Variants in FBXL17 observed in about 807,000 individuals in gnomAD.
FBXL17 encodes the protein F-box/LRR-repeat protein 17.
A neutral mutation model predicts 66.2 loss-of-function variants in FBXL17; 22 were observed. The observed-to-expected ratio is 0.33, with a 90% CI of 0.24 to 0.47. The LOEUF (loss-of-function observed/expected upper bound fraction) is 0.47. Among genes scored for constraint, FBXL17 ranks in the 20% least tolerant of loss-of-function variants. The pLI, the probability that FBXL17 is intolerant of heterozygous loss-of-function variation, is 1.00. For missense variants in FBXL17, 878 were observed against 948.2 expected, an observed-to-expected ratio of 0.93 and a Z score of 0.97; for synonymous variants, 474 against 400.5, an observed-to-expected ratio of 1.18 and a Z score of -2.19.
At chr5:108,329,852 G>C (rs17161245) in intron 4 of FBXL17, among the ~76,000 whole-genome samples, 4 of 151,914 alleles carry the variant, frequency 2.6e-5, no homozygotes, top group African/African-American at 9.7e-5. Context: ...GTCCAGGCTC[G>C]GGAACAGTGG....
At chr5:108,185,488 T>C (rs936713880) in intron 6 of FBXL17, among the ~76,000 whole-genome samples, 1 of 152,204 alleles carries the variant, frequency 6.6e-6, no homozygotes, top group Admixed American at 6.5e-5. Context: ...ATACTTCCTG[T>C]ACAGCCTGCA....
intron 1 of FBXL17, among the ~76,000 whole-genome samples, chr5:108,378,689 G>C (rs1048335544): frequency 1.3e-5 from 2 of 152,082 alleles, no homozygotes; most frequent in African/African-American, 4.8e-5. Context: ...TCGTGGTGTG[G>C]CGTATTCACC....
At chr5:107,995,456 C>T (rs535637842) in intron 7 of FBXL17, among the ~76,000 whole-genome samples, 1 of 151,972 alleles carries the variant, frequency 6.6e-6, no homozygotes, top group Admixed American at 6.6e-5. Context: ...ACCAAAAGAA[C>T]CAAAAAGCCA....
chr5:108,116,849 A>C (rs1750277889), intron 6 of FBXL17, among the ~76,000 whole-genome samples: 1 of 152,052 alleles, frequency 6.6e-6, no homozygotes, highest in African/African-American at 2.4e-5. Context: ...TTGTATCCTC[A>C]GCTTTGGCAG....
intron 8 of FBXL17, among the ~76,000 whole-genome samples, chr5:107,873,108 C>A (rs74854651): frequency 6.6e-6 from 1 of 152,188 alleles, no homozygotes; most frequent in African/African-American, 2.4e-5. Flanking sequence ...GAAAACTGTT[C>A]CTGGACAATC....
chr5:107,897,494 A>G (rs1477479616), intron 7 of FBXL17, among the ~76,000 whole-genome samples: 2 of 152,172 alleles, frequency 1.3e-5, no homozygotes, highest in Admixed American at 6.6e-5. Flanking sequence ...TTGTCCCTGA[A>G]GTCGAGAAGC....
intron 7 of FBXL17, among the ~76,000 whole-genome samples, chr5:107,886,841 C>T (rs1324088668): frequency 6.6e-6 from 1 of 150,682 alleles, no homozygotes; most frequent in African/African-American, 2.5e-5. Context: ...GAAAACATCA[C>T]ACAAATCCAA....
chr5:108,207,336 T>C (rs1754164771), intron 5 of FBXL17, among the ~76,000 whole-genome samples: 1 of 152,172 alleles, frequency 6.6e-6, no homozygotes, highest in Non-Finnish European at 1.5e-5. Context: ...CAAGTGTTTT[T>C]TTTTTATTAT....
rs891396932 is a variant in FBXL17 at position 108,298,168 on chromosome 5, C to A, written c.1506+50231G>T. 18 of 975,678 alleles carry A rather than the reference C, an allele frequency of 1.8e-5. No homozygotes were observed. The Admixed American group carries it at 8.7e-4, about 47-fold the overall frequency. The allele number at this position is 975,678 out of a possible 1,614,324, so 60.4% of individuals were successfully genotyped here. On this transcript the variant is annotated intron_variant, in intron 4 of 8. Transcript: ENST00000542267. ...TTAGGGAGCAAGAAACATAAAGTACCCTAGAAATTCTAGAAAGTACAGCTC... is the reference window on the plus strand; with the variant it reads ...TTAGGGAGCAAGAAACATAAAGTACACTAGAAATTCTAGAAAGTACAGCTC...
At chr5:108,024,090 G>T (rs767686172) in intron 6 of FBXL17, among the ~76,000 whole-genome samples, 1 of 151,984 alleles carries the variant, frequency 6.6e-6, no homozygotes, top group Non-Finnish European at 1.5e-5. Flanking sequence ...ACTCCTATAG[G>T]CAAAGCTCAG....
chr5:107,966,854 A>G (rs1752162106), intron 7 of FBXL17, among the ~76,000 whole-genome samples: 1 of 152,110 alleles, frequency 6.6e-6, no homozygotes, highest in Non-Finnish European at 1.5e-5. Flanking sequence ...GTTGTGTTTT[A>G]GGAGTACGGT....
intron 4 of FBXL17, among the ~76,000 whole-genome samples, chr5:108,340,660 C>G (rs1746818479): frequency 6.6e-6 from 1 of 152,138 alleles, no homozygotes; most frequent in South Asian, 2.1e-4. Context: ...AATTTACTTA[C>G]TTTAAAAGTG....
At chr5:108,373,878 A>C (rs557224418) in intron 1 of FBXL17, among the ~76,000 whole-genome samples, 1 of 152,170 alleles carries the variant, frequency 6.6e-6, no homozygotes, top group Admixed American at 6.5e-5. Context: ...TGATCGTGCC[A>C]CTGCATTCCA....
chr5:108,256,675 TC>T (rs2150120436), intron 4 of FBXL17, among the ~76,000 whole-genome samples: 1 of 152,200 alleles, frequency 6.6e-6, no homozygotes, highest in South Asian at 2.1e-4. Flanking sequence ...ACACAATCTT[TC>T]CTATGTAGTT....
intron 6 of FBXL17, among the ~76,000 whole-genome samples, chr5:108,023,380 T>C (rs1754670797): frequency 1.3e-5 from 2 of 152,154 alleles, no homozygotes; most frequent in Non-Finnish European, 2.9e-5. Flanking sequence ...AATTGAGTGG[T>C]TGAAATAGGT....
At chr5:107,929,176 G>A (rs1561325351) in intron 7 of FBXL17, among the ~76,000 whole-genome samples, 1 of 152,100 alleles carries the variant, frequency 6.6e-6, no homozygotes, top group Non-Finnish European at 1.5e-5. Context: ...GACACAGTAG[G>A]GAAAGTCTTC....
At chr5:108,098,907 A>C (rs1462363446) in intron 6 of FBXL17, among the ~76,000 whole-genome samples, 1 of 152,128 alleles carries the variant, frequency 6.6e-6, no homozygotes, top group African/African-American at 2.4e-5. Context: ...ATCACTAATA[A>C]CTTCTTAGCT....
At chr5:108,335,847 T>C (rs1057503560) in intron 4 of FBXL17, among the ~76,000 whole-genome samples, 1 of 152,160 alleles carries the variant, frequency 6.6e-6, no homozygotes, top group Non-Finnish European at 1.5e-5. Context: ...ATTATTCTTA[T>C]ATACTTGGAC....
chr5:108,292,368 G>A (rs1156993911), intron 4 of FBXL17, among the ~76,000 whole-genome samples: 1 of 151,942 alleles, frequency 6.6e-6, no homozygotes, highest in Non-Finnish European at 1.5e-5. Context: ...TGATTCACCT[G>A]CCTCAGTGTC....
Sources: allele counts gnomAD v4.1 joint callset (sites outside exome capture counted in the v4.1 genomes callset), GRCh38; gene constraint gnomAD v4.1.1; transcripts MANE v1.5; gene names NCBI Gene and HGNC (gene_info 2026-07-23, HGNC 2026-07-21).